The following SEC23IP variants were observed in gnomAD, a reference collection of about 807,000 sequenced individuals.
The protein encoded by SEC23IP is SEC23-interacting protein.
Under a neutral mutation model 113.4 loss-of-function variants are expected in SEC23IP, and 70 were observed. The ratio of observed to expected loss-of-function variants is 0.62; its 90% CI spans 0.51 to 0.75. The LOEUF is 0.75. SEC23IP is among the 30% of genes least tolerant of loss of function. The pLI is 0.00. For synonymous variants in SEC23IP, 398 were observed against 421.0 expected (o/e 0.95, Z 0.67); for missense variants, 1,160 against 1,204.9 (o/e 0.96, Z 0.55).
At chr10:119,940,336 C>T (rs1285534010) in intron 18 of SEC23IP, among the ~76,000 whole-genome samples, 1 of 151,910 alleles carries the variant, frequency 6.6e-6, no homozygotes. Flanking sequence ...TACAGGCACC[C>T]GCCACCATGC....
At chr10:119,909,591 A>G (rs1435545414) in intron 5 of SEC23IP, among the ~76,000 whole-genome samples, 2 of 152,122 alleles carry the variant, frequency 1.3e-5, no homozygotes, top group African/African-American at 2.4e-5. Context: ...ACCTCGTCTC[A>G]AAATAAAAAG....
At position 119,917,640 on chromosome 10, in the gene SEC23IP, A is replaced by G. The variant is rs1855096670; in HGVS notation, c.1545-196A>G. Among the ~76,000 whole-genome samples, 3 of 152,056 alleles carry G rather than the reference A, an allele frequency of 2.0e-5. No homozygotes were observed. In the South Asian group the frequency reaches 6.2e-4, roughly 32 times the overall value. ...GTGATCCACCCACTTCAGCCTCCCA[A>G]AGTGCTGGGATTACAGGTGTGAGCC... On this transcript the variant is annotated intron_variant, in intron 8 of 18. Coordinates refer to ENST00000369075, the MANE Select transcript of SEC23IP (RefSeq NM_007190.4).
chr10:119,933,847 A>C, intron 18 of SEC23IP, 60 bp downstream of exon 18: 2 of 832,094 alleles, frequency 2.4e-6, no homozygotes, highest in East Asian at 5.4e-5. Flanking sequence ...AATCTGTTGT[A>C]TGGAGTTGAT....
At chr10:119,925,480 C>G (rs1332472958) in intron 12 of SEC23IP, among the ~76,000 whole-genome samples, 1 of 152,142 alleles carries the variant, frequency 6.6e-6, no homozygotes, top group Non-Finnish European at 1.5e-5. Flanking sequence ...CTATAGACAT[C>G]ATGACATTTG....
chr10:119,923,629 A>G (rs1589842455), intron 12 of SEC23IP, among the ~76,000 whole-genome samples: 1 of 151,756 alleles, frequency 6.6e-6, no homozygotes, highest in African/African-American at 2.4e-5. Flanking sequence ...GCTCACTGCA[A>G]CCTCTGCCTC....
In SEC23IP at chr10:119,933,786, G is replaced by C; in HGVS notation, c.*19G>C. 1 of 1,370,894 alleles carries C rather than the reference G, an allele frequency of 7.3e-7. No homozygotes were observed. The highest frequency in any genetic ancestry group is 1.0e-6 in the Non-Finnish European group (1 of 960,484). 84.9% of individuals were successfully genotyped at this position (1,370,894 alleles called of 1,614,324 possible). On this transcript the variant is annotated splice_region_variant and 3_prime_UTR_variant, in exon 18 of 19. Transcript: ENST00000369075. ...GCATTGATCAAACTTCAGTTTTACT[G>C]TGTGAGTTTATCCTTATTGAATGTA... is the stretch of plus-strand genomic sequence containing the variant.
At chr10:119,905,079 A>C (rs1854618751) in intron 4 of SEC23IP, among the ~76,000 whole-genome samples, 1 of 151,952 alleles carries the variant, frequency 6.6e-6, no homozygotes, top group African/African-American at 2.4e-5. Flanking sequence ...GGCTGCAGGG[A>C]GCTGAGATCA....
intron 1 of SEC23IP, among the ~76,000 whole-genome samples, chr10:119,896,712 A>G (rs1854295111): frequency 6.6e-6 from 1 of 152,206 alleles, no homozygotes; most frequent in African/African-American, 2.4e-5. Flanking sequence ...GATGCTAATC[A>G]GAAAAAAAGT....
At chr10:119,932,882 C>CT (rs1448704440) in intron 16 of SEC23IP, 123 bp from the exon 17 acceptor site, 2 of 779,446 alleles carry the variant, frequency 2.6e-6, no homozygotes, top group African/African-American at 3.5e-5. Context: ...GGGAGTGAGC[C>CT]TGGTAGCTCC....
chr10:119,918,561 T>C (rs546395383), intron 10 of SEC23IP, 50 bp downstream of exon 10: 50 of 1,045,762 alleles, frequency 4.8e-5, no homozygotes, highest in South Asian at 1.3e-4. Context: ...TCTATGGAGC[T>C]GAACAATTTT....
intron 18 of SEC23IP, among the ~76,000 whole-genome samples, chr10:119,935,744 C>G (rs1211420979): frequency 6.6e-6 from 1 of 152,166 alleles, no homozygotes; most frequent in Admixed American, 6.5e-5. Context: ...ATGGTAAAGA[C>G]TGAGCAGCTG....
At chr10:119,927,486 T>C (rs543095621) in intron 13 of SEC23IP, among the ~76,000 whole-genome samples, 3 of 152,282 alleles carry the variant, frequency 2.0e-5, no homozygotes, top group Admixed American at 6.5e-5. Context: ...TCTTTGGCAG[T>C]TATAGGTTTA....
intron 12 of SEC23IP, among the ~76,000 whole-genome samples, chr10:119,925,429 ACTTT>A (rs1855388206): frequency 6.6e-6 from 1 of 152,188 alleles, no homozygotes; most frequent in Non-Finnish European, 1.5e-5. Flanking sequence ...GTCTTGCTAT[ACTTT>A]CTTTGCTTCT....
intron 1 of SEC23IP, among the ~76,000 whole-genome samples, chr10:119,895,248 G>A (rs2134445741): frequency 6.6e-6 from 1 of 152,314 alleles, no homozygotes; most frequent in East Asian, 1.9e-4. Flanking sequence ...GTTGGATGTG[G>A]TGGTGGGCGC....
In SEC23IP at chr10:119,930,367, T is replaced by G. The variant is rs1855559710; in HGVS notation, c.2508T>G (p.Val836=). The G allele has an allele frequency of 6.2e-7, 1 of 1,610,994 alleles. No individual in the cohort carries two copies. The highest frequency in any genetic ancestry group is 8.5e-7 in the Non-Finnish European group (1 of 1,177,728). The part of the protein sequence containing the change: ...PVAYRLEPMI[V]PDLDLKAVLI... ...CATATAGATTAGAACCTATGATTGT[T>G]CCAGATTTGGACCTAAAAGCTGTTC... is the stretch of plus-strand genomic sequence containing the variant. The change falls in exon 15 of 19, where the codon GTT becomes GTG. Residue 836 remains valine (V), a synonymous_variant. Coordinates refer to ENST00000369075, the MANE Select transcript of SEC23IP (RefSeq NM_007190.4).
rs1461277455 is a variant in SEC23IP, at chr10:119,918,490, G to A, written c.1851G>A (p.Gln617=). The part of the protein sequence containing the change: ...PLAVANGVVK[Q]LHFQEKQMPE... Reference sequence around the variant, plus strand: ...CTGTTGCTAATGGAGTTGTGAAGCAGCTACATTTTCAGGAAAAGCAGGTAC... The same window carrying A: ...CTGTTGCTAATGGAGTTGTGAAGCAACTACATTTTCAGGAAAAGCAGGTAC... Residue 617 remains glutamine (Q), a synonymous_variant, in exon 10 of 19, where the codon CAG becomes CAA. Coordinates refer to ENST00000369075, the MANE Select transcript of SEC23IP (RefSeq NM_007190.4). The A allele has an allele frequency of 1.9e-6, 3 of 1,611,474 alleles. No homozygotes were observed. Among genetic ancestry groups the A allele is most frequent in the Non-Finnish European group, 2.5e-6 (3 of 1,177,688 alleles).
At chr10:119,907,264 C>G (rs1854704850) in intron 4 of SEC23IP, among the ~76,000 whole-genome samples, 1 of 151,642 alleles carries the variant, frequency 6.6e-6, no homozygotes, top group African/African-American at 2.4e-5. Context: ...CCATTGCACT[C>G]CAACCTGGGT....
intron 2 of SEC23IP, among the ~76,000 whole-genome samples, chr10:119,899,438 T>C (rs1157183782): frequency 2.0e-5 from 3 of 152,242 alleles, no homozygotes; most frequent in Non-Finnish European, 2.9e-5. Context: ...AACGTATGCA[T>C]TGGGTAAATT....
In SEC23IP at chr10:119,904,084, T is replaced by C; in HGVS notation, c.908T>C (p.Val303Ala). The C allele has an allele frequency of 6.8e-6, 11 of 1,613,764 alleles. No homozygotes were observed. The highest frequency in any genetic ancestry group is 9.3e-6 in the Non-Finnish European group (11 of 1,179,692). The change falls in exon 4 of 19, where the codon GTT becomes GCT. Residue 303 changes from valine to alanine, a missense_variant and splice_region_variant. By Grantham distance (64) the Val-to-Ala change is moderately conservative (BLOSUM62 0). Coordinates refer to ENST00000369075, the MANE Select transcript of SEC23IP (RefSeq NM_007190.4). ...SLNLEEIYNSVQPDPESVVLG... is the reference protein window; with the variant it reads ...SLNLEEIYNSAQPDPESVVLG... ...GAAAAGTGTTAATTTTGTTCTCTAG[T>C]TCAGCCAGATCCGGAGAGCGTGGTT...
Sources: allele counts gnomAD v4.1 joint callset (sites outside exome capture counted in the v4.1 genomes callset), GRCh38; gene constraint gnomAD v4.1.1; transcripts MANE v1.5; gene names NCBI Gene and HGNC (gene_info 2026-07-23, HGNC 2026-07-21).